CTC1: variants seen among roughly 807,000 people sequenced by gnomAD.
CTC1 encodes CST complex subunit CTC1.
A neutral mutation model predicts 136.3 loss-of-function variants in CTC1; 91 were observed. The observed-to-expected ratio is 0.67, with a 90% CI of 0.56 to 0.79. CTC1 has a LOEUF of 0.79. Ranked by LOEUF, CTC1 falls within the 30% of genes least tolerant of loss-of-function variation. The pLI, the probability that CTC1 is intolerant of heterozygous loss-of-function variation, is 0.00. For missense variants in CTC1, 1,432 were observed against 1,498.1 expected, an observed-to-expected ratio of 0.96 and a Z score of 0.73; for synonymous variants, 606 against 613.8, an observed-to-expected ratio of 0.99 and a Z score of 0.19.
rs1033019140 is a variant in CTC1, at chr17:8,226,472, T to C, written c.*1708A>G. The C allele has an allele frequency of 5.3e-5, 8 of 152,204 alleles. No homozygotes were observed. Among genetic ancestry groups the C allele is most frequent in the African/African-American group, 1.7e-4 (7 of 41,444 alleles). The allele number at this position is 152,204 out of a possible 1,614,324, so 9.4% of individuals were successfully genotyped here. A position where few individuals can be genotyped will look rare whatever the true frequency, so the allele number is the denominator to read the frequency against. Reference sequence around the variant, plus strand: ...CTTCAATGTCCAAAGACGTTAATCATAGATTTCAAACCAAAATCATAGACT... The same window carrying C: ...CTTCAATGTCCAAAGACGTTAATCACAGATTTCAAACCAAAATCATAGACT... On this transcript the variant is annotated 3_prime_UTR_variant, in exon 23 of 23. Coordinates refer to ENST00000651323, the MANE Select transcript of CTC1 (RefSeq NM_025099.6).
intron 2 of CTC1, among the ~76,000 whole-genome samples, chr17:8,242,333 A>G (rs193139285): frequency 1.4e-3 from 209 of 151,986 alleles, no homozygotes; most frequent in African/African-American, 4.9e-3. Context: ...GCACCTGGCC[A>G]ATAGTGATTA....
chr17:8,228,916 A>G, intron 20 of CTC1, 24 bp from the exon 21 acceptor site: 1 of 1,593,862 alleles, frequency 6.3e-7, no homozygotes. Flanking sequence ...GAGGAAATAA[A>G]AACGCCTATA....
At chr17:8,236,917 T>A (rs1987776919) in intron 5 of CTC1, among the ~76,000 whole-genome samples, 1 of 151,892 alleles carries the variant, frequency 6.6e-6, no homozygotes. Flanking sequence ...ACCCCAAACC[T>A]CAGAATCACA....
intron 7 of CTC1, among the ~76,000 whole-genome samples, chr17:8,235,580 C>G (rs545268040): frequency 3.2e-4 from 48 of 152,298 alleles, no homozygotes; most frequent in Admixed American, 3.1e-3. Context: ...TGTGCTTCAG[C>G]TATCTCCTCC....
At position 8,232,206 on chromosome 17, in the gene CTC1, C is replaced by T; in HGVS notation, c.2082G>A (p.Leu694=). 6.5e-7 allele frequency: 1 copy of T among 1,527,232 alleles called. No individual in the cohort carries two copies. The allele number at this position is 1,527,232 out of a possible 1,614,324, so 94.6% of individuals were successfully genotyped here. ...QQARVYVQFF[L]ADALILPVPR... ...GCACAGGCAGGATCAGGGCATCAGC[C>T]AGAAAGAACTGGACATAGACTCTGT... Residue 694 remains leucine, a synonymous_variant, in exon 13 of 23, where the codon CTG becomes CTA. Transcript: ENST00000651323.
In CTC1 at chr17:8,235,840, C is replaced by A; in HGVS notation, c.1197G>T (p.Val399=). 1 of 1,608,838 alleles carries A rather than the reference C, an allele frequency of 6.2e-7. No homozygotes were observed. The highest frequency in any genetic ancestry group is 8.5e-7 in the Non-Finnish European group (1 of 1,176,038). ...CCCTGATCTCACATACCTGCAGACA[C>A]ACTCCAGGTCGCATCACCCGCCTAA... The part of the protein sequence containing the change: ...RGLRRVMRPG[V]CLQLQDVHLL... The change falls in exon 7 of 23, where the codon GTG becomes GTT. Residue 399 remains valine (V), a synonymous_variant. Coordinates refer to ENST00000651323, the MANE Select transcript of CTC1 (RefSeq NM_025099.6).
At chr17:8,228,660 C>T (rs745525096) in intron 21 of CTC1, 31 bp from the exon 22 acceptor site, 1 of 1,613,924 alleles carries the variant, frequency 6.2e-7, no homozygotes, top group Non-Finnish European at 8.5e-7. Context: ...TTAACTGGCT[C>T]CTAAACCCTT....
intron 15 of CTC1, 142 bp downstream of exon 15, chr17:8,231,134 C>T: frequency 1.5e-6 from 1 of 677,888 alleles, no homozygotes; most frequent in Non-Finnish European, 2.4e-6. Context: ...GAGTGAGACT[C>T]CGTCTCAAAA....
At chr17:8,228,459 CCATGATCCCCCTATCAT>C (rs757422154) in intron 22 of CTC1, 27 bp downstream of exon 22, 3 of 1,613,742 alleles carry the variant, frequency 1.9e-6, no homozygotes, top group Non-Finnish European at 2.5e-6. Flanking sequence ...ATCTCTATCA[CCATGATCCCCCTATCAT>C]CATGATCCCC....
chr17:8,244,483 C>T (rs1988517597), intron 1 of CTC1, among the ~76,000 whole-genome samples: 1 of 152,138 alleles, frequency 6.6e-6, no homozygotes, highest in Non-Finnish European at 1.5e-5. Flanking sequence ...TTCCCTGGTC[C>T]TCCAATGCTC....
chr17:8,226,769 T>C lies in CTC1; in HGVS notation c.*1411A>G, dbSNP rs1238029005. 1.3e-5 allele frequency: 2 copies of C among 152,122 alleles called. No homozygotes were observed. The highest frequency in any genetic ancestry group is 2.9e-5 in the Non-Finnish European group (2 of 68,030). 9.4% of individuals were successfully genotyped at this position (152,122 alleles called of 1,614,324 possible). A position where few individuals can be genotyped will look rare whatever the true frequency, so the allele number is the denominator to read the frequency against. ...CAAACATCTGCCTCCATGAAAGCGC[T>C]TCAGGGAAAAAAAGACGCGGCGGTT... On this transcript the variant is annotated 3_prime_UTR_variant, in exon 23 of 23. Transcript: ENST00000651323.
At chr17:8,230,846 C>A in intron 15 of CTC1, 195 bp from the exon 16 acceptor site, 1 of 589,596 alleles carries the variant, frequency 1.7e-6, no homozygotes, top group Non-Finnish European at 3.0e-6. Flanking sequence ...TGTGGCAGAT[C>A]ATTCAAAACC....
chr17:8,231,655 G>A, intron 14 of CTC1, 71 bp downstream of exon 14: 17 of 1,420,324 alleles, frequency 1.2e-5, no homozygotes, highest in Admixed American at 1.7e-5. Context: ...ACCAGGCACT[G>A]GCATGCCCTC....
At chr17:8,239,816 A>C (rs1035755799) in intron 2 of CTC1, among the ~76,000 whole-genome samples, 1 of 152,164 alleles carries the variant, frequency 6.6e-6, no homozygotes, top group South Asian at 2.1e-4. Flanking sequence ...TACACAAATG[A>C]GTATCAAAGA....
intron 17 of CTC1, 44 bp downstream of exon 17, chr17:8,230,250 C>T: frequency 6.4e-7 from 1 of 1,569,738 alleles, no homozygotes; most frequent in African/African-American, 1.4e-5. Context: ...TCCAGAGAGC[C>T]ACATCAGTAG....
chr17:8,239,806 T>C (rs1437948153), intron 2 of CTC1, among the ~76,000 whole-genome samples: 1 of 152,188 alleles, frequency 6.6e-6, no homozygotes, highest in East Asian at 1.9e-4. Flanking sequence ...AAGAACATTA[T>C]ACACAAATGA....
rs745973862 is a variant in CTC1, at chr17:8,226,705, T to C, written c.*1475A>G. The C allele has an allele frequency of 1.4e-4, 21 of 152,232 alleles. No individual in the cohort carries two copies. Among genetic ancestry groups the C allele is most frequent in the Non-Finnish European group, 1.5e-4 (10 of 68,040 alleles). 9.4% of individuals were successfully genotyped at this position (152,232 alleles called of 1,614,324 possible). ...GGCCACGACTACGAGGCTTAGGGCT[T>C]CGTTTTCATCCAATGCCTTTCTTAC... On this transcript the variant is annotated 3_prime_UTR_variant, in exon 23 of 23. Transcript: ENST00000651323.
Position 8,231,351 on chromosome 17 carries a change from G to A in CTC1, c.2594C>T (p.Ser865Phe). Residue 865 changes from serine to phenylalanine, a missense_variant, in exon 15 of 23, where the codon TCC (serine) becomes TTC (phenylalanine). Transcript: ENST00000651323. ...QDNWTLELES[S>F]QDIQDVLDAN... ...ATCCAGCACATCTTGGATATCCTGG[G>A]AGCTTTCAAGCTCCAGAGTCCAGTT... 1.2e-6 allele frequency: 2 copies of A among 1,611,662 alleles called. No homozygotes were observed. Among genetic ancestry groups the A allele is most frequent in the African/African-American group, 1.3e-5 (1 of 74,972 alleles).
chr17:8,241,459 AAAT>A (rs1301417262), intron 2 of CTC1, among the ~76,000 whole-genome samples: 2 of 151,850 alleles, frequency 1.3e-5, no homozygotes, highest in African/African-American at 4.8e-5. Flanking sequence ...CTCTACTAAA[AAAT>A]ACAAAAATTA....
Sources: gnomAD v4.1 joint callset for allele counts (sites outside exome capture counted in the v4.1 genomes callset) on GRCh38, gnomAD v4.1.1 for gene constraint, MANE v1.5 for transcripts, NCBI Gene and HGNC (gene_info 2026-07-23, HGNC 2026-07-21) for gene names.